Variants in NEK1 observed in about 807,000 individuals in gnomAD.
NEK1 encodes the protein serine/threonine-protein kinase Nek1.
Under a neutral mutation model 182.1 loss-of-function variants are expected in NEK1, and 137 were observed. The observed-to-expected ratio is 0.75, with a 90% CI of 0.65 to 0.87. The LOEUF (loss-of-function observed/expected upper bound fraction) is 0.87. Among genes scored for constraint, NEK1 ranks in the 40% least tolerant of loss-of-function variants. The pLI is 0.00. For synonymous variants in NEK1, 513 were observed against 492.2 expected (o/e 1.04, Z -0.56); for missense variants, 1,391 against 1,494.4 (o/e 0.93, Z 1.14).
intron 12 of NEK1, among the ~76,000 whole-genome samples, chr4:169,574,657 C>T (rs1765414247): frequency 6.7e-6 from 1 of 148,862 alleles, no homozygotes; most frequent in Non-Finnish European, 1.5e-5. Flanking sequence ...GATCCTAACA[C>T]AGAAGAGCAG....
intron 23 of NEK1, among the ~76,000 whole-genome samples, chr4:169,493,056 G>A (rs1750418878): frequency 6.6e-6 from 1 of 152,178 alleles, no homozygotes; most frequent in Non-Finnish European, 1.5e-5. Flanking sequence ...AAAGTGAACA[G>A]AGCCTAAATA....
rs557086487 is a variant in NEK1, at chr4:169,552,675, T to C, written c.1562+3045A>G. ...CTGTCTTTGTTTGCAGATGACATGATTGTCTATGTAGAAAATTCAAAAGAA... is the reference window on the plus strand; with the variant it reads ...CTGTCTTTGTTTGCAGATGACATGACTGTCTATGTAGAAAATTCAAAAGAA... On this transcript the variant is annotated intron_variant, in intron 18 of 35. Coordinates refer to ENST00000507142, the MANE Select transcript of NEK1 (RefSeq NM_001199397.3). Among the ~76,000 whole-genome samples the C allele has an allele frequency of 4.6e-5, 7 of 152,050 alleles. 1 individual carries two copies. Among genetic ancestry groups the C allele is most frequent in the African/African-American group, 1.7e-4 (7 of 41,416 alleles).
At chr4:169,399,807 T>C (rs1046853711) in intron 35 of NEK1, among the ~76,000 whole-genome samples, 1 of 151,870 alleles carries the variant, frequency 6.6e-6, no homozygotes. Context: ...TTTTTGTGTG[T>C]AGAGATAGGG....
chr4:169,594,621 C>A (rs1303455566), intron 5 of NEK1, among the ~76,000 whole-genome samples: 2 of 152,104 alleles, frequency 1.3e-5, no homozygotes, highest in African/African-American at 2.4e-5. Flanking sequence ...CTACATTTTA[C>A]AATATTTTGT....
chr4:169,561,242 T>C (rs1038309158), intron 16 of NEK1, among the ~76,000 whole-genome samples: 2 of 152,194 alleles, frequency 1.3e-5, no homozygotes, highest in Non-Finnish European at 2.9e-5. Context: ...AATGTTATCA[T>C]AGTCTTCACA....
At chr4:169,395,086 T>C (rs1331206172) in intron 35 of NEK1, among the ~76,000 whole-genome samples, 1 of 152,228 alleles carries the variant, frequency 6.6e-6, no homozygotes, top group Non-Finnish European at 1.5e-5. Context: ...TTACTATTTA[T>C]AGACATTTTT....
intron 27 of NEK1, among the ~76,000 whole-genome samples, chr4:169,456,352 GA>G (rs921167818): frequency 1.3e-5 from 2 of 151,944 alleles, no homozygotes; most frequent in Admixed American, 6.6e-5. Flanking sequence ...TAGAAGAAAA[GA>G]AATAATAAAG....
At chr4:169,587,438 A>C in intron 9 of NEK1, 121 bp downstream of exon 9, 1 of 566,400 alleles carries the variant, frequency 1.8e-6, no homozygotes, top group Non-Finnish European at 3.0e-6. Flanking sequence ...TCAAAAATGG[A>C]CTTAGAGGAG....
intron 5 of NEK1, among the ~76,000 whole-genome samples, chr4:169,594,665 C>T (rs947584971): frequency 1.7e-4 from 26 of 152,036 alleles, no homozygotes; most frequent in Admixed American, 2.0e-4. Context: ...AAGAATGTTA[C>T]CTATTTGTTA....
intron 27 of NEK1, among the ~76,000 whole-genome samples, chr4:169,450,028 A>G (rs1348873962): frequency 6.6e-6 from 1 of 152,232 alleles, no homozygotes; most frequent in Non-Finnish European, 1.5e-5. Context: ...ACTTCGTGAC[A>G]CATGCATGAG....
intron 27 of NEK1, among the ~76,000 whole-genome samples, chr4:169,449,794 C>A (rs1267709953): frequency 6.6e-6 from 1 of 152,216 alleles, no homozygotes; most frequent in Non-Finnish European, 1.5e-5. Flanking sequence ...CAGCTCCTTG[C>A]CAGCAACAGA....
chr4:169,575,370 C>T (rs1765527209), intron 12 of NEK1, among the ~76,000 whole-genome samples: 1 of 152,240 alleles, frequency 6.6e-6, no homozygotes, highest in Non-Finnish European at 1.5e-5. Flanking sequence ...GAGAGGGTCA[C>T]TGCAAAGGCA....
At chr4:169,411,000 G>A (rs964932904) in intron 31 of NEK1, among the ~76,000 whole-genome samples, 12 of 152,194 alleles carry the variant, frequency 7.9e-5, no homozygotes, top group East Asian at 1.9e-4. Flanking sequence ...GAGTGTGTGC[G>A]TGCGTATCCT....
intron 27 of NEK1, among the ~76,000 whole-genome samples, chr4:169,460,136 C>T (rs1051840005): frequency 1.3e-5 from 2 of 152,012 alleles, no homozygotes; most frequent in Non-Finnish European, 2.9e-5. Flanking sequence ...AGGGCATATA[C>T]AGGAACTCTG....
chr4:169,538,940 A>C (rs1758940975), intron 18 of NEK1, among the ~76,000 whole-genome samples: 1 of 152,170 alleles, frequency 6.6e-6, no homozygotes, highest in Non-Finnish European at 1.5e-5. Flanking sequence ...TGAAATATGA[A>C]ACTAAGCTGT....
chr4:169,456,049 A>G (rs1162620282), intron 27 of NEK1, among the ~76,000 whole-genome samples: 1 of 152,222 alleles, frequency 6.6e-6, no homozygotes, highest in South Asian at 2.1e-4. Context: ...CTAGACATCA[A>G]TAACAAGAGG....
intron 19 of NEK1, among the ~76,000 whole-genome samples, chr4:169,523,534 C>A (rs141946922): frequency 1.5e-4 from 23 of 152,274 alleles, no homozygotes; most frequent in African/African-American, 5.5e-4. Flanking sequence ...AGGCATGGAA[C>A]AGATTCTCCC....
chr4:169,598,442 A>T (rs1007702690), intron 5 of NEK1, among the ~76,000 whole-genome samples: 2 of 152,084 alleles, frequency 1.3e-5, no homozygotes, highest in African/African-American at 4.8e-5. Context: ...TGGGACTTGA[A>T]CTGAGCTTAA....
intron 30 of NEK1, among the ~76,000 whole-genome samples, chr4:169,425,197 G>C (rs1449812767): frequency 6.8e-6 from 1 of 147,766 alleles, no homozygotes; most frequent in Non-Finnish European, 1.5e-5. Flanking sequence ...ATTAGCCAAG[G>C]TGGAGGATTG....
Sources: allele counts gnomAD v4.1 joint callset (sites outside exome capture counted in the v4.1 genomes callset), GRCh38; gene constraint gnomAD v4.1.1; transcripts MANE v1.5; gene names NCBI Gene and HGNC (gene_info 2026-07-23, HGNC 2026-07-21).